Variants in SOAT1 observed in about 807,000 individuals in gnomAD.
The protein encoded by SOAT1 is sterol O-acyltransferase 1, also known as acyl-coenzyme A:cholesterol acyltransferase 1.
In SOAT1, 55 loss-of-function variants were observed where a neutral mutation model predicts 69.5. The observed-to-expected ratio is 0.79, with a 90% CI of 0.64 to 0.99. SOAT1 has a LOEUF of 0.99. SOAT1 is among the 50% of genes least tolerant of loss of function. The pLI, the probability that SOAT1 is intolerant of heterozygous loss-of-function variation, is 0.00. For missense variants in SOAT1, 580 were observed against 669.3 expected, an observed-to-expected ratio of 0.87 and a Z score of 1.47; for synonymous variants, 231 against 224.7, an observed-to-expected ratio of 1.03 and a Z score of -0.25.
At chr1:179,296,404 C>A (rs1388168898) in intron 1 of SOAT1, among the ~76,000 whole-genome samples, 1 of 151,762 alleles carries the variant, frequency 6.6e-6, no homozygotes, top group South Asian at 2.1e-4. Context: ...ACTGTATTAA[C>A]CAGGGAAGAG....
intron 2 of SOAT1, among the ~76,000 whole-genome samples, chr1:179,313,239 A>G (rs970342789): frequency 3.3e-5 from 5 of 152,336 alleles, no homozygotes; most frequent in African/African-American, 1.2e-4. Flanking sequence ...TAGTTGTTAC[A>G]TAGTTGCAGA....
chr1:179,302,516 C>T (rs1664867721), intron 1 of SOAT1, among the ~76,000 whole-genome samples, 161 bp from the exon 2 acceptor site: 1 of 152,324 alleles, frequency 6.6e-6, no homozygotes, highest in Non-Finnish European at 1.5e-5. Context: ...CTTGCCTCCC[C>T]TTGGTCTTCT....
chr1:179,308,345 A>G (rs1665091581), intron 2 of SOAT1, among the ~76,000 whole-genome samples: 1 of 152,168 alleles, frequency 6.6e-6, no homozygotes, highest in African/African-American at 2.4e-5. Flanking sequence ...TGATAAAAGA[A>G]AAAGAAGCCA....
At position 179,347,702 on chromosome 1, in the gene SOAT1, T is replaced by C. The variant is rs1666583199; in HGVS notation, c.1215+5T>C. ...GGTGACAGGATGTTCTATAAGGTAG[T>C]ATATACTTAGACTTAGCTTTCTTTT... On this transcript the variant is annotated splice_donor_5th_base_variant and intron_variant, in intron 12 of 15. Transcript: ENST00000367619. 5 of 1,545,980 alleles carry C rather than the reference T, an allele frequency of 3.2e-6. No individual in the cohort carries two copies. The African/African-American group carries it at 6.8e-5, about 21-fold the overall frequency.
chr1:179,296,880 T>C (rs1664667158), intron 1 of SOAT1, among the ~76,000 whole-genome samples: 1 of 152,232 alleles, frequency 6.6e-6, no homozygotes, highest in South Asian at 2.1e-4. Context: ...TTCTTTTTGT[T>C]TTGCTTTCTT....
At chr1:179,306,016 A>G (rs897914507) in intron 2 of SOAT1, among the ~76,000 whole-genome samples, 3 of 152,224 alleles carry the variant, frequency 2.0e-5, no homozygotes, top group Non-Finnish European at 2.9e-5. Context: ...GGCCTTTGAG[A>G]TAAGAAGACT....
intron 2 of SOAT1, among the ~76,000 whole-genome samples, chr1:179,317,646 T>TG (rs976141316): frequency 1.3e-5 from 2 of 151,936 alleles, no homozygotes; most frequent in Non-Finnish European, 2.9e-5. Flanking sequence ...CATAGGTTTT[T>TG]TTTTTTTTTT....
chr1:179,302,195 A>G (rs963296266), intron 1 of SOAT1, among the ~76,000 whole-genome samples: 1 of 152,182 alleles, frequency 6.6e-6, no homozygotes, highest in Non-Finnish European at 1.5e-5. Context: ...CTTTGAAATG[A>G]TTAATGCAAA....
chr1:179,347,727 T>C, intron 12 of SOAT1, 30 bp downstream of exon 12: 1 of 1,257,302 alleles, frequency 8.0e-7, no homozygotes, highest in Non-Finnish European at 1.1e-6. Context: ...AGCTTTCTTT[T>C]TACATTTTAT....
chr1:179,327,484 T>C (rs1665832146), intron 3 of SOAT1, among the ~76,000 whole-genome samples: 2 of 152,168 alleles, frequency 1.3e-5, no homozygotes, highest in Middle Eastern at 3.2e-3. Context: ...GTATAGGTAG[T>C]AGATAAATCT....
chr1:179,349,084 A>G (rs1666634115), intron 13 of SOAT1, 142 bp downstream of exon 13: 1 of 610,592 alleles, frequency 1.6e-6, no homozygotes, highest in Non-Finnish European at 2.9e-6. Context: ...TTCTTTTGAG[A>G]AATTTACATC....
At chr1:179,316,964 AT>A (rs1479862742) in intron 2 of SOAT1, among the ~76,000 whole-genome samples, 1 of 152,208 alleles carries the variant, frequency 6.6e-6, no homozygotes, top group African/African-American at 2.4e-5. Context: ...AGAATATGTA[AT>A]GACAGAGAAA....
At chr1:179,328,148 G>A (rs1665851843) in intron 3 of SOAT1, among the ~76,000 whole-genome samples, 1 of 152,120 alleles carries the variant, frequency 6.6e-6, no homozygotes, top group Non-Finnish European at 1.5e-5. Flanking sequence ...TGCCCAGGCT[G>A]GTCTCAAACT....
chr1:179,333,710 A>G (rs534126315), intron 3 of SOAT1, among the ~76,000 whole-genome samples: 13 of 152,178 alleles, frequency 8.5e-5, no homozygotes, highest in Admixed American at 3.9e-4. Context: ...GTGCATACCT[A>G]TAATCCTAGC....
chr1:179,327,113 T>G (rs1199739609), intron 3 of SOAT1, among the ~76,000 whole-genome samples: 1 of 152,130 alleles, frequency 6.6e-6, no homozygotes, highest in East Asian at 1.9e-4. Context: ...TTATAAGAGA[T>G]CTCTAATTGG....
At chr1:179,323,045 C>T (rs200481252) in intron 2 of SOAT1, among the ~76,000 whole-genome samples, 21 of 126,694 alleles carry the variant, frequency 1.7e-4, no homozygotes, top group Admixed American at 2.4e-4. Context: ...TCTTTTCTTT[C>T]TTTTTTTTTT....
intron 3 of SOAT1, 87 bp from the exon 4 acceptor site, chr1:179,335,417 GCT>G: frequency 8.9e-7 from 1 of 1,127,918 alleles, no homozygotes; most frequent in South Asian, 1.6e-5. Context: ...TTTTGATCCA[GCT>G]CTGTTTAAGG....
At chr1:179,340,258 G>A (rs1666287373) in intron 6 of SOAT1, among the ~76,000 whole-genome samples, 1 of 152,186 alleles carries the variant, frequency 6.6e-6, no homozygotes, top group African/African-American at 2.4e-5. Flanking sequence ...ACTTTGGGAG[G>A]CCGAGGCGGG....
At chr1:179,340,824 T>G (rs1033592895) in intron 6 of SOAT1, among the ~76,000 whole-genome samples, 10 of 139,562 alleles carry the variant, frequency 7.2e-5, no homozygotes, top group Admixed American at 2.3e-4. Flanking sequence ...ATTGTTGATA[T>G]ATATATATAT....
Sources: allele counts gnomAD v4.1 joint callset (sites outside exome capture counted in the v4.1 genomes callset), GRCh38; gene constraint gnomAD v4.1.1; transcripts MANE v1.5; gene names NCBI Gene and HGNC (gene_info 2026-07-23, HGNC 2026-07-21).